The following RFX4 variants were observed in gnomAD, a reference collection of about 807,000 sequenced individuals.
RFX4 encodes transcription factor RFX4.
Under a neutral mutation model 95.0 loss-of-function variants are expected in RFX4, and 10 were observed. That is an observed-to-expected ratio of 0.11 (90% CI 0.06 to 0.18). The LOEUF (loss-of-function observed/expected upper bound fraction) is 0.18. Ranked by LOEUF, RFX4 falls within the 10% of genes least tolerant of loss-of-function variation. RFX4 has a pLI of 1.00. For missense variants in RFX4, 640 were observed against 922.0 expected (o/e 0.69, Z 3.96); for synonymous variants, 321 against 340.7 (o/e 0.94, Z 0.64).
At chr12:106,700,977 G>C (rs1234536727) in intron 8 of RFX4, among the ~76,000 whole-genome samples, 1 of 152,080 alleles carries the variant, frequency 6.6e-6, no homozygotes, top group Non-Finnish European at 1.5e-5. Flanking sequence ...ATTTCTTTGT[G>C]TATATCCAAC....
intron 4 of RFX4, among the ~76,000 whole-genome samples, chr12:106,677,272 A>G (rs78815430): frequency 0.04 from 6,016 of 152,144 alleles, 425 homozygotes; most frequent in East Asian, 0.29. Flanking sequence ...GGCAAGTGGG[A>G]GAGGCTTGGA....
At chr12:106,745,801 GA>G (rs1375236548) in intron 15 of RFX4, among the ~76,000 whole-genome samples, 1 of 152,078 alleles carries the variant, frequency 6.6e-6, no homozygotes, top group Non-Finnish European at 1.5e-5. Flanking sequence ...GGGGGATGTT[GA>G]ATCCCATTAC....
At chr12:106,729,370 G>A (rs2042566280) in intron 13 of RFX4, among the ~76,000 whole-genome samples, 1 of 152,178 alleles carries the variant, frequency 6.6e-6, no homozygotes, top group South Asian at 2.1e-4. Context: ...GAACATAGCA[G>A]CAAAAGGGAT....
At chr12:106,599,954 T>C (rs1027308285) in intron 1 of RFX4, among the ~76,000 whole-genome samples, 1 of 152,160 alleles carries the variant, frequency 6.6e-6, no homozygotes, top group African/African-American at 2.4e-5. Flanking sequence ...CTCTAAAATA[T>C]GTTTAGCAGC....
chr12:106,698,698 C>CT (rs572359395), intron 8 of RFX4, among the ~76,000 whole-genome samples: 190 of 145,296 alleles, frequency 1.3e-3, no homozygotes, highest in African/African-American at 3.7e-3. Context: ...TCCCTCTCTT[C>CT]TTTTTTTTTT....
rs537740894 is a variant in RFX4 at position 106,678,589 on chromosome 12, A to G, written c.316-3404A>G. ...TATTTCAATAAGGAAATCCTTTTCT[A>G]TTTGCAAAAAACAAAAAGTTTATTT... On this transcript the variant is annotated intron_variant, in intron 4 of 17. Transcript: ENST00000392842. Among the ~76,000 whole-genome samples the G allele has an allele frequency of 2.6e-5, 4 of 152,332 alleles. No homozygotes were observed. The South Asian group carries it at 6.2e-4, about 24-fold the overall frequency.
chr12:106,650,297 G>A (rs1037472585), intron 3 of RFX4, among the ~76,000 whole-genome samples: 1 of 152,070 alleles, frequency 6.6e-6, no homozygotes, highest in Non-Finnish European at 1.5e-5. Flanking sequence ...TAAGCAAAAA[G>A]GGATACTTTT....
chr12:106,638,645 C>T (rs530224742), intron 2 of RFX4, among the ~76,000 whole-genome samples: 18 of 152,238 alleles, frequency 1.2e-4, no homozygotes, highest in East Asian at 1.9e-4. Flanking sequence ...TTATTCTCAA[C>T]GATTTATTAA....
At position 106,654,254 on chromosome 12, in the gene RFX4, A is replaced by G; in HGVS notation, c.218A>G (p.Glu73Gly). Residue 73 changes from glutamate to glycine, a missense_variant, in exon 4 of 18, where the codon GAG becomes GGG. Glu to Gly is a moderately conservative substitution (Grantham distance 98). This residue lies in a region of RFX4 where 89 missense variants were observed against 173.8 expected (regional missense o/e 0.51). Coordinates refer to ENST00000392842, the MANE Select transcript of RFX4 (RefSeq NM_213594.3). The stretch of plus-strand genomic sequence containing the variant: ...CTGGAGGAGAACTATGAGATTGCAG[A>G]GGGGGTCTGCATCCCTCGCAGTGCC... Reference protein sequence around the residue: ...QWLEENYEIAEGVCIPRSALY... With the variant: ...QWLEENYEIAGGVCIPRSALY... The G allele has an allele frequency of 6.2e-7, 1 of 1,614,020 alleles. No homozygotes were observed. The highest frequency in any genetic ancestry group is 8.5e-7 in the Non-Finnish European group (1 of 1,179,918).
intron 2 of RFX4, among the ~76,000 whole-genome samples, chr12:106,623,479 T>G (rs1191221704): frequency 6.6e-6 from 1 of 152,088 alleles, no homozygotes; most frequent in Non-Finnish European, 1.5e-5. Context: ...TGATCTGGAG[T>G]GTCAATATTT....
At chr12:106,643,669 A>C (rs1039967434) in intron 3 of RFX4, among the ~76,000 whole-genome samples, 4 of 152,000 alleles carry the variant, frequency 2.6e-5, no homozygotes, top group African/African-American at 9.7e-5. Context: ...ATGCTTACAG[A>C]CTTTTGCAAT....
At chr12:106,622,937 C>G (rs1356276661) in intron 2 of RFX4, among the ~76,000 whole-genome samples, 1 of 151,470 alleles carries the variant, frequency 6.6e-6, no homozygotes, top group African/African-American at 2.4e-5. Flanking sequence ...CATTTTTTCC[C>G]CCTAGCAGGT....
intron 2 of RFX4, among the ~76,000 whole-genome samples, chr12:106,638,564 G>A (rs2040559184): frequency 6.6e-6 from 1 of 152,140 alleles, no homozygotes; most frequent in South Asian, 2.1e-4. Flanking sequence ...AGCTTAGTCT[G>A]TTCAGGTTTT....
chr12:106,717,141 C>T (rs1184822372), intron 11 of RFX4, among the ~76,000 whole-genome samples: 1 of 152,080 alleles, frequency 6.6e-6, no homozygotes, highest in African/African-American at 2.4e-5. Context: ...GCCCTGCACA[C>T]CCTAATAGCA....
intron 2 of RFX4, among the ~76,000 whole-genome samples, chr12:106,636,619 G>C (rs916331323): frequency 1.3e-5 from 2 of 152,150 alleles, no homozygotes; most frequent in African/African-American, 4.8e-5. Context: ...AAAGCATCAT[G>C]AACAAGTGTT....
intron 1 of RFX4, among the ~76,000 whole-genome samples, chr12:106,588,150 G>C (rs778942706): frequency 6.6e-6 from 1 of 152,112 alleles, no homozygotes; most frequent in Non-Finnish European, 1.5e-5. Flanking sequence ...GCACAATTAG[G>C]TAATTTCTCC....
Position 106,641,967 on chromosome 12 carries a change from C to A in RFX4, c.191+2575C>A, listed in dbSNP as rs112254463. 6.5e-3 allele frequency among the ~76,000 whole-genome samples: 879 copies of A among 135,036 alleles called. 8 individuals carry two copies. The highest frequency in any genetic ancestry group is 0.02 in the African/African-American group (706 of 34,726). The allele number at this position is 135,036 out of a possible 152,430, so 88.6% of individuals were successfully genotyped here. A position where few individuals can be genotyped will look rare whatever the true frequency, so the allele number is the denominator to read the frequency against. ...TGTCTATATCTATCTATATCTATAT[C>A]TATCTATATCTATATCTATATCTAT... is the stretch of plus-strand genomic sequence containing the variant. On this transcript the variant is annotated intron_variant, in intron 3 of 17. Transcript: ENST00000392842.
Position 106,602,532 on chromosome 12 carries a change from A to G in RFX4, c.44-6265A>G, listed in dbSNP as rs12830204. On this transcript the variant is annotated intron_variant, in intron 1 of 17. Transcript: ENST00000392842. ...GAGCTCCAAACCCCACATTCTCCCA[A>G]GCCCGTCTCTGTCTTCTCTTTCATG... Among the ~76,000 whole-genome samples, 909 of 152,242 alleles carry G rather than the reference A, an allele frequency of 6.0e-3. 4 individuals are homozygous for G. Among genetic ancestry groups the G allele is most frequent in the Non-Finnish European group, 1.0e-2 (678 of 68,018 alleles).
Position 106,747,377 on chromosome 12 carries a change from A to G in RFX4, c.1634-60A>G, listed in dbSNP as rs2042915150. ...AGAACAAAGGGAAGCCACTAAAGTAAGGAAGAACAAGGGATATGAGAACTG... is the reference window on the plus strand; with the variant it reads ...AGAACAAAGGGAAGCCACTAAAGTAGGGAAGAACAAGGGATATGAGAACTG... On this transcript the variant is annotated intron_variant, in intron 15 of 17. Coordinates refer to ENST00000392842, the MANE Select transcript of RFX4 (RefSeq NM_213594.3). The G allele has an allele frequency of 3.2e-6, 5 of 1,572,014 alleles. No individual in the cohort carries two copies. In the East Asian group the frequency reaches 1.1e-4, roughly 35 times the overall value.
Sources: allele counts gnomAD v4.1 joint callset (sites outside exome capture counted in the v4.1 genomes callset), GRCh38; gene constraint gnomAD v4.1.1; regional missense constraint gnomAD v4.1.1; transcripts MANE v1.5; gene names NCBI Gene and HGNC (gene_info 2026-07-23, HGNC 2026-07-21).